The following OTOG variants were observed in gnomAD, a reference collection of about 807,000 sequenced individuals.
The protein encoded by OTOG is otogelin.
A neutral mutation model predicts 313.8 loss-of-function variants in OTOG; 296 were observed. That is an observed-to-expected ratio of 0.94 (90% CI 0.86 to 1.04). The LOEUF is 1.04. Among genes scored for constraint, OTOG ranks in the 50% least tolerant of loss-of-function variants. OTOG has a pLI of 0.00. For missense variants in OTOG, 3,948 were observed against 3,840.1 expected (o/e 1.03, Z -0.74); for synonymous variants, 1,533 against 1,554.9 (o/e 0.99, Z 0.33).
chr11:17,575,821 G>A (rs1852510217), intron 20 of OTOG, among the ~76,000 whole-genome samples: 1 of 152,154 alleles, frequency 6.6e-6, no homozygotes, highest in African/African-American at 2.4e-5. Flanking sequence ...AAAGGGGTCT[G>A]TGTGGCTTAT....
chr11:17,593,969 G>C (rs1853023621), intron 27 of OTOG, 78 bp from the exon 28 acceptor site: 1 of 1,528,256 alleles, frequency 6.5e-7, no homozygotes. Context: ...ATAGACTCCT[G>C]GGCTCATGGT....
chr11:17,634,223 C>T lies in OTOG; in HGVS notation c.7422C>T (p.Phe2474=), dbSNP rs983539027. The change falls in exon 44 of 56, where the codon TTC becomes TTT. Residue 2474 remains phenylalanine, a synonymous_variant. Coordinates refer to ENST00000399397, the MANE Select transcript of OTOG (RefSeq NM_001292063.2). ...PSPRPESCLR[F]GEVALLLPTK... is the part of the protein sequence containing the mutation. ...CCCGCCCTGAGAGCTGCCTGCGATT[C>T]GGGGAGGTGGCCTTGCTCCTACCCA... 9.7e-6 allele frequency: 15 copies of T among 1,550,394 alleles called. No homozygotes were observed. Among genetic ancestry groups the T allele is most frequent in the Middle Eastern group, 3.3e-4 (2 of 6,010 alleles).
chr11:17,600,623 AC>A (rs1590032802), intron 31 of OTOG, among the ~76,000 whole-genome samples: 2 of 152,132 alleles, frequency 1.3e-5, no homozygotes, highest in Non-Finnish European at 2.9e-5. Flanking sequence ...CATCCGCAGG[AC>A]TGCAGTTCTG....
At chr11:17,611,526 C>A in intron 36 of OTOG, 103 bp downstream of exon 36, 1 of 1,191,628 alleles carries the variant, frequency 8.4e-7, no homozygotes, top group Non-Finnish European at 1.2e-6. Flanking sequence ...TCATACCTGC[C>A]CCATGCTCCT....
chr11:17,644,331 T>C (rs994849640), intron 54 of OTOG, among the ~76,000 whole-genome samples: 1 of 152,248 alleles, frequency 6.6e-6, no homozygotes, highest in African/African-American at 2.4e-5. Flanking sequence ...GAAGACAAAG[T>C]GGACTTAGCT....
Position 17,573,259 on chromosome 11 carries a change from C to G in OTOG, c.2262C>G (p.Pro754=), listed in dbSNP as rs112040976. 13 of 1,530,356 alleles carry G rather than the reference C, an allele frequency of 8.5e-6. No individual in the cohort carries two copies. The African/African-American group carries it at 1.5e-4, about 18-fold the overall frequency. 94.8% of individuals were successfully genotyped at this position (1,530,356 alleles called of 1,614,324 possible). A position where few individuals can be genotyped will look rare whatever the true frequency, so the allele number is the denominator to read the frequency against. ...YAHLCRRHGL[P]VDFRARLPAC... ...ACCTGTGCCGGCGCCATGGGCTCCCCGTTGATTTCCGCGCCCGCCTGCCAG... is the reference window on the plus strand; with the variant it reads ...ACCTGTGCCGGCGCCATGGGCTCCCGGTTGATTTCCGCGCCCGCCTGCCAG... The change falls in exon 19 of 56, where the codon CCC becomes CCG. Residue 754 remains proline (P), a synonymous_variant. Transcript: ENST00000399397.
chr11:17,586,350 T>C, intron 23 of OTOG, 124 bp from the exon 24 acceptor site: 2 of 444,538 alleles, frequency 4.5e-6, no homozygotes, highest in Non-Finnish European at 7.7e-6. Flanking sequence ...GAATACACAG[T>C]CAGTCTCTTC....
At chr11:17,569,029 G>A in intron 15 of OTOG, 127 bp from the exon 16 acceptor site, 1 of 1,130,882 alleles carries the variant, frequency 8.8e-7, no homozygotes, top group South Asian at 1.6e-5. Context: ...TATCTTTGGG[G>A]CTCTGTCTGT....
At chr11:17,605,772 A>T in intron 32 of OTOG, 85 bp from the exon 33 acceptor site, 2 of 1,401,992 alleles carry the variant, frequency 1.4e-6, no homozygotes, top group Non-Finnish European at 1.9e-6. Flanking sequence ...AGAGTCGCTG[A>T]GAGAGCAGAT....
intron 6 of OTOG, among the ~76,000 whole-genome samples, chr11:17,555,537 C>T (rs1284010269): frequency 2.6e-5 from 4 of 152,100 alleles, no homozygotes; most frequent in East Asian, 1.9e-4. Context: ...CCATCCAGAC[C>T]GGGGCTAGAA....
chr11:17,585,962 C>T (rs1254835028), intron 23 of OTOG, among the ~76,000 whole-genome samples: 1 of 152,190 alleles, frequency 6.6e-6, no homozygotes, highest in Non-Finnish European at 1.5e-5. Context: ...CTGTTGATGC[C>T]TGATCTAGCG....
intron 33 of OTOG, among the ~76,000 whole-genome samples, chr11:17,606,975 A>T (rs1013771770): frequency 6.6e-6 from 1 of 152,236 alleles, no homozygotes; most frequent in Non-Finnish European, 1.5e-5. Flanking sequence ...TCTCCGGAAG[A>T]CACTAGGGCA....
intron 23 of OTOG, among the ~76,000 whole-genome samples, chr11:17,580,671 A>G (rs551495174): frequency 6.6e-6 from 1 of 152,350 alleles, no homozygotes; most frequent in African/African-American, 2.4e-5. Flanking sequence ...GGGCTGAAGA[A>G]GGAAGGCAGT....
intron 5 of OTOG, 21 bp downstream of exon 5, chr11:17,553,232 AC>A (rs1234828448): frequency 1.3e-6 from 2 of 1,548,406 alleles, no homozygotes; most frequent in East Asian, 2.4e-5. Context: ...GCTCCACCCC[AC>A]CCCCAGGAAG....
intron 39 of OTOG, among the ~76,000 whole-genome samples, chr11:17,628,742 G>A (rs1051640137): frequency 1.3e-5 from 2 of 152,226 alleles, no homozygotes; most frequent in Admixed American, 1.3e-4. Context: ...AATTTAGGGA[G>A]ACTCTCCCAG....
intron 11 of OTOG, 130 bp from the exon 12 acceptor site, chr11:17,559,404 C>T (rs933059575): frequency 7.2e-5 from 92 of 1,280,656 alleles, no homozygotes; most frequent in Non-Finnish European, 5.9e-5. Flanking sequence ...CCCAATGCTC[C>T]CTCTGGGACT....
intron 38 of OTOG, among the ~76,000 whole-genome samples, chr11:17,613,260 T>TTTCTTTCC (rs1853633310): frequency 7.1e-6 from 1 of 141,642 alleles, no homozygotes; most frequent in Non-Finnish European, 1.5e-5. Context: ...TCTTTCTTTC[T>TTTCTTTCC]TTCTTTCTCT....
At chr11:17,570,474 T>G in intron 17 of OTOG, 84 bp downstream of exon 17, 4 of 1,339,972 alleles carry the variant, frequency 3.0e-6, no homozygotes, top group Non-Finnish European at 4.1e-6. Flanking sequence ...CCTAAATGTC[T>G]CTCCCGTGAG....
intron 23 of OTOG, among the ~76,000 whole-genome samples, chr11:17,583,081 GT>G (rs1040003131): frequency 6.6e-6 from 1 of 151,334 alleles, no homozygotes; most frequent in East Asian, 1.9e-4. Context: ...ATTCTCCTAT[GT>G]TTTTTTCTAG....
Sources: allele counts gnomAD v4.1 joint callset (sites outside exome capture counted in the v4.1 genomes callset), GRCh38; gene constraint gnomAD v4.1.1; transcripts MANE v1.5; gene names NCBI Gene and HGNC (gene_info 2026-07-23, HGNC 2026-07-21).